TBC1D22A: variants seen among roughly 807,000 people sequenced by gnomAD.
TBC1D22A encodes putative GTPase activator.
In TBC1D22A, 38 loss-of-function variants were observed where a neutral mutation model predicts 60.2. That is an observed-to-expected ratio of 0.63 (90% CI 0.49 to 0.83). The LOEUF (loss-of-function observed/expected upper bound fraction) is 0.83, where lower values mean the gene tolerates loss of function less well. Among genes scored for constraint, TBC1D22A ranks in the 40% least tolerant of loss-of-function variants. The probability of loss-of-function intolerance (pLI) is 0.00; values close to 1 mark genes in which losing one functional copy is unlikely to be tolerated. For missense variants in TBC1D22A, 628 were observed against 701.0 expected (o/e 0.90, Z 1.18); for synonymous variants, 302 against 281.7 (o/e 1.07, Z -0.72).
intron 5 of TBC1D22A, among the ~76,000 whole-genome samples, chr22:46,882,179 G>A (rs2067883157): frequency 6.6e-6 from 1 of 152,130 alleles, no homozygotes; most frequent in Non-Finnish European, 1.5e-5. Context: ...AAGCAAATTG[G>A]AATCTCTAGG....
chr22:46,864,639 T>G (rs1009435658), intron 4 of TBC1D22A, among the ~76,000 whole-genome samples: 3 of 152,252 alleles, frequency 2.0e-5, no homozygotes, highest in Non-Finnish European at 4.4e-5. Flanking sequence ...TATTTTCACC[T>G]GAGAAGAAAC....
At chr22:46,922,256 G>A (rs1160122472) in intron 8 of TBC1D22A, among the ~76,000 whole-genome samples, 1 of 152,104 alleles carries the variant, frequency 6.6e-6, no homozygotes, top group East Asian at 1.9e-4. Context: ...GTCTGTTTTT[G>A]TTATTGTGCC....
intron 11 of TBC1D22A, among the ~76,000 whole-genome samples, chr22:47,076,361 GTATATATATATA>G (rs769322904): frequency 2.0e-5 from 2 of 101,924 alleles, no homozygotes; most frequent in Non-Finnish European, 3.9e-5. Context: ...ATATGTGTGT[GTATATATATATA>G]TATATATACA....
At chr22:47,060,820 C>T (rs1389177427) in intron 11 of TBC1D22A, among the ~76,000 whole-genome samples, 1 of 152,230 alleles carries the variant, frequency 6.6e-6, no homozygotes, top group Non-Finnish European at 1.5e-5. Flanking sequence ...GGAGGCTCCC[C>T]TGGTGTCCCA....
At chr22:46,963,520 C>T (rs1223296129) in intron 8 of TBC1D22A, among the ~76,000 whole-genome samples, 1 of 149,570 alleles carries the variant, frequency 6.7e-6, no homozygotes, top group Non-Finnish European at 1.5e-5. Flanking sequence ...TCCCAGCGAG[C>T]ACTACACATA....
chr22:46,892,663 G>T (rs573757122), intron 6 of TBC1D22A, among the ~76,000 whole-genome samples: 2 of 152,218 alleles, frequency 1.3e-5, no homozygotes, highest in Non-Finnish European at 2.9e-5. Context: ...TAAATTTGGC[G>T]TTGTTTTGAA....
intron 1 of TBC1D22A, chr22:46,789,376 C>T (rs1459680131): frequency 4.4e-6 from 2 of 456,602 alleles, no homozygotes; most frequent in African/African-American, 2.0e-5. Context: ...CCGCCCGCCT[C>T]GGCCTCCCGA....
intron 12 of TBC1D22A, among the ~76,000 whole-genome samples, chr22:47,167,886 A>G (rs1439740775): frequency 6.6e-6 from 1 of 152,190 alleles, no homozygotes; most frequent in Non-Finnish European, 1.5e-5. Flanking sequence ...CAGGCTCTAA[A>G]AGTATCCTTG....
At chr22:46,870,773 T>C (rs2067259860) in intron 4 of TBC1D22A, among the ~76,000 whole-genome samples, 1 of 152,126 alleles carries the variant, frequency 6.6e-6, no homozygotes, top group Non-Finnish European at 1.5e-5. Context: ...ATCTGTGTGC[T>C]CACATGACAG....
At chr22:46,918,836 A>G (rs1034676929) in intron 8 of TBC1D22A, among the ~76,000 whole-genome samples, 1 of 152,172 alleles carries the variant, frequency 6.6e-6, no homozygotes, top group African/African-American at 2.4e-5. Flanking sequence ...ATAATTTTTT[A>G]TGATGGAAAG....
chr22:47,162,830 C>T (rs1016334391), intron 12 of TBC1D22A, among the ~76,000 whole-genome samples: 2 of 151,116 alleles, frequency 1.3e-5, no homozygotes, highest in Non-Finnish European at 2.9e-5. Flanking sequence ...CAGGGAGAGT[C>T]GGGGGAGTGG....
At chr22:46,779,328 A>G (rs1349288775) in intron 1 of TBC1D22A, among the ~76,000 whole-genome samples, 1 of 152,198 alleles carries the variant, frequency 6.6e-6, no homozygotes, top group East Asian at 1.9e-4. Context: ...TCTGTTGTTG[A>G]CTAAAATGTC....
At chr22:47,014,628 C>T (rs979814252) in intron 10 of TBC1D22A, among the ~76,000 whole-genome samples, 5 of 152,244 alleles carry the variant, frequency 3.3e-5, no homozygotes, top group Admixed American at 6.5e-5. Context: ...TCCGAACTAA[C>T]AGTATCTCCG....
chr22:47,046,162 C>T (rs2063026202), intron 11 of TBC1D22A, among the ~76,000 whole-genome samples: 1 of 152,134 alleles, frequency 6.6e-6, no homozygotes, highest in Non-Finnish European at 1.5e-5. Flanking sequence ...AGGCCTTGCC[C>T]CACAAGGAGG....
At chr22:47,003,907 G>C (rs1489366651) in intron 10 of TBC1D22A, among the ~76,000 whole-genome samples, 6 of 130,478 alleles carry the variant, frequency 4.6e-5, no homozygotes, top group Admixed American at 7.8e-5. Flanking sequence ...ACGCATGCCT[G>C]TATACACACA....
At chr22:46,832,801 C>T (rs1202600002) in intron 4 of TBC1D22A, among the ~76,000 whole-genome samples, 1 of 152,140 alleles carries the variant, frequency 6.6e-6, no homozygotes, top group Non-Finnish European at 1.5e-5. Context: ...CATTGGCCAG[C>T]GACATTCTCA....
intron 9 of TBC1D22A, among the ~76,000 whole-genome samples, chr22:46,977,292 T>C (rs1023377142): frequency 2.0e-5 from 3 of 152,158 alleles, no homozygotes; most frequent in Admixed American, 2.0e-4. Context: ...AATTTGAGAT[T>C]CCGTATTCTA....
intron 4 of TBC1D22A, among the ~76,000 whole-genome samples, chr22:46,832,173 C>T (rs1019778330): frequency 1.3e-5 from 2 of 152,178 alleles, no homozygotes; most frequent in African/African-American, 4.8e-5. Flanking sequence ...AGAGACAGTC[C>T]ATGCATCATG....
At chr22:47,015,294 G>C (rs746502969) in intron 10 of TBC1D22A, among the ~76,000 whole-genome samples, 1 of 152,140 alleles carries the variant, frequency 6.6e-6, no homozygotes, top group Non-Finnish European at 1.5e-5. Flanking sequence ...CGAGACTCCC[G>C]AGGGTCCCTC....
Sources: gnomAD v4.1 joint callset for allele counts (sites outside exome capture counted in the v4.1 genomes callset) on GRCh38, gnomAD v4.1.1 for gene constraint, MANE v1.5 for transcripts, NCBI Gene and HGNC (gene_info 2026-07-23, HGNC 2026-07-21) for gene names.